TSHZ3: variants seen among roughly 807,000 people sequenced by gnomAD.
TSHZ3 encodes the protein teashirt homolog 3.
A neutral mutation model predicts 64.5 loss-of-function variants in TSHZ3; 10 were observed. The ratio of observed to expected loss-of-function variants is 0.16; its 90% CI spans 0.10 to 0.26. The LOEUF is 0.26. TSHZ3 is among the 10% of genes least tolerant of loss of function. The probability of loss-of-function intolerance (pLI) is 1.00; values close to 1 mark genes in which losing one functional copy is unlikely to be tolerated. For synonymous variants in TSHZ3, 608 were observed against 593.1 expected, an observed-to-expected ratio of 1.03 and a Z score of -0.36; for missense variants, 1,242 against 1,421.7, an observed-to-expected ratio of 0.87 and a Z score of 2.03.
chr19:31,216,487 C>G (rs1975332473), intron 4 of TSHZ3, among the ~76,000 whole-genome samples: 1 of 150,712 alleles, frequency 6.6e-6, no homozygotes, highest in African/African-American at 2.4e-5. Context: ...GAGTCTCCGT[C>G]ACCCAGGCTG....
intron 5 of TSHZ3, among the ~76,000 whole-genome samples, chr19:31,172,704 G>A (rs1188315443): frequency 6.6e-6 from 1 of 152,224 alleles, no homozygotes; most frequent in Non-Finnish European, 1.5e-5. Flanking sequence ...ACAAAGTAAA[G>A]TGGTCAGAAG....
chr19:31,279,506 T>C lies in TSHZ3; in HGVS notation c.287A>G (p.Glu96Gly). ...ADFESGSIKN[E>G]EETKEVTVPL... ...GACCGTGACCTCCTTGGTCTCCTCT[T>C]CGTTCTTGATGGAGCCGCTTTCAAA... is the stretch of plus-strand genomic sequence containing the variant. The change falls in exon 2 of 2, where the codon GAA (glutamate) becomes GGA (glycine). Residue 96 changes from glutamate to glycine, a missense_variant. Coordinates refer to ENST00000240587, the MANE Select transcript of TSHZ3 (RefSeq NM_020856.4). This position sits in a 1 kb window ranked among gnomAD's most constrained non-coding sequence, Gnocchi z 6.4. The C allele has an allele frequency of 6.2e-7, 1 of 1,613,484 alleles. No homozygotes were observed. The highest frequency in any genetic ancestry group is 8.5e-7 in the Non-Finnish European group (1 of 1,179,482).
intron 1 of TSHZ3, among the ~76,000 whole-genome samples, chr19:31,338,154 G>A (rs1917310571): frequency 6.6e-6 from 1 of 152,212 alleles, no homozygotes; most frequent in South Asian, 2.1e-4. Flanking sequence ...AAGGCCTCTT[G>A]CAGCAGAAGA....
rs750398873 is a variant in TSHZ3, at chr19:31,183,178, TTCTCTCTCTC to T, written n.809+21768_809+21777del. 3.9e-3 allele frequency among the ~76,000 whole-genome samples: 449 copies of T among 116,496 alleles called. 4 individuals carry two copies. The highest frequency in any genetic ancestry group is 0.022 in the Middle Eastern group (5 of 230). 76.4% of individuals were successfully genotyped at this position (116,496 alleles called of 152,430 possible). A position where few individuals can be genotyped will look rare whatever the true frequency, so the allele number is the denominator to read the frequency against. On this transcript the variant is annotated intron_variant and non_coding_transcript_variant, in intron 5 of 6. Transcript: ENST00000651361. ...AATCATGTGAGCCAATTCTATGAGA[TTCTCTCTCTC>T]TCTCTCTCTCTCTCTCTCTCTCTCT...
At chr19:31,177,671 A>G (rs758049274) in intron 5 of TSHZ3, among the ~76,000 whole-genome samples, 2 of 152,248 alleles carry the variant, frequency 1.3e-5, no homozygotes, top group East Asian at 1.9e-4. Flanking sequence ...TGTAACAGTC[A>G]TAAGTTCTGC....
chr19:31,279,345 T>TGCTGCC lies in TSHZ3; in HGVS notation c.442_447dup (p.Gly148_Ser149dup). On this transcript the variant is annotated inframe_insertion, in exon 2 of 2. Coordinates refer to ENST00000240587, the MANE Select transcript of TSHZ3 (RefSeq NM_020856.4). The surrounding 1 kb of genome is among the most constrained non-coding windows in gnomAD (Gnocchi z 6.4). ...CTGCTGCTGCTACTGCTGCTGCTGC[T>TGCTGCC]GCTGCCGTTGTTCTTCTCCGAGGAG... 6.2e-7 allele frequency: 1 copy of TGCTGCC among 1,614,036 alleles called. No homozygotes were observed. The highest frequency in any genetic ancestry group is 1.1e-5 in the South Asian group (1 of 91,068).
chr19:31,251,064 G>T (rs576712925), intron 1 of TSHZ3, among the ~76,000 whole-genome samples: 2 of 152,148 alleles, frequency 1.3e-5, no homozygotes, highest in Non-Finnish European at 2.9e-5. Context: ...CTGGAGGGCT[G>T]GGAGGAAATG....
At chr19:31,215,727 C>G (rs1021898076) in intron 4 of TSHZ3, among the ~76,000 whole-genome samples, 1 of 151,886 alleles carries the variant, frequency 6.6e-6, no homozygotes, top group African/African-American at 2.4e-5. Context: ...AAAAATTAGC[C>G]GGGCATAGTG....
At chr19:31,298,650 A>G (rs376235480) in intron 1 of TSHZ3, among the ~76,000 whole-genome samples, 2 of 152,074 alleles carry the variant, frequency 1.3e-5, no homozygotes, top group East Asian at 1.9e-4. Context: ...TCTGCACATG[A>G]TCGCTGCCCA....
chr19:31,227,907 C>A (rs1435585244), intron 4 of TSHZ3, among the ~76,000 whole-genome samples: 1 of 152,152 alleles, frequency 6.6e-6, no homozygotes, highest in Non-Finnish European at 1.5e-5. Context: ...ATCATGAAAT[C>A]TTATTGGTTT....
chr19:31,204,616 T>G (rs1472631675), intron 5 of TSHZ3: 1 of 152,266 alleles, frequency 6.6e-6, no homozygotes, highest in African/African-American at 2.4e-5. Flanking sequence ...TTTAGATGTG[T>G]GTAGACAGAA....
chr19:31,176,377 G>T (rs1266581681), intron 5 of TSHZ3, among the ~76,000 whole-genome samples: 2 of 152,206 alleles, frequency 1.3e-5, no homozygotes, highest in African/African-American at 4.8e-5. Context: ...GAGTCAGTGA[G>T]AAGTGATCTG....
chr19:31,219,081 G>A (rs143280985), intron 4 of TSHZ3, among the ~76,000 whole-genome samples: 1 of 152,280 alleles, frequency 6.6e-6, no homozygotes, highest in African/African-American at 2.4e-5. Context: ...ATATCTTCAG[G>A]CTCTAAAGAC....
intron 5 of TSHZ3, among the ~76,000 whole-genome samples, chr19:31,203,715 T>C (rs893207327): frequency 6.6e-6 from 1 of 152,036 alleles, no homozygotes; most frequent in African/African-American, 2.4e-5. Context: ...AGGGAAACGA[T>C]GGGTGGTAAG....
At chr19:31,214,909 GAAAAAAAAAA>G (rs950173415) in intron 4 of TSHZ3, among the ~76,000 whole-genome samples, 2 of 41,856 alleles carry the variant, frequency 4.8e-5, no homozygotes, top group African/African-American at 1.5e-4. Context: ...CTCTGTCTCA[GAAAAAAAAAA>G]AAAAAAAAAA....
intron 4 of TSHZ3, among the ~76,000 whole-genome samples, chr19:31,219,723 A>G (rs892426857): frequency 2.6e-5 from 4 of 151,262 alleles, no homozygotes; most frequent in Non-Finnish European, 5.9e-5. Flanking sequence ...GAAAGTAATT[A>G]AGACAGTTCT....
chr19:31,254,548 T>G (rs987179651), intron 1 of TSHZ3, among the ~76,000 whole-genome samples: 2 of 152,176 alleles, frequency 1.3e-5, no homozygotes, highest in African/African-American at 4.8e-5. Flanking sequence ...TGAGGCTTTG[T>G]TTTGCCACAA....
At chr19:31,167,287 T>C (rs1001352170) in intron 5 of TSHZ3, among the ~76,000 whole-genome samples, 1 of 152,260 alleles carries the variant, frequency 6.6e-6, no homozygotes, top group Non-Finnish European at 1.5e-5. Flanking sequence ...TTTGTATTTC[T>C]CTTTCAAAAT....
chr19:31,237,367 A>G (rs1459345725), intron 3 of TSHZ3, among the ~76,000 whole-genome samples: 2 of 152,046 alleles, frequency 1.3e-5, no homozygotes, highest in Non-Finnish European at 2.9e-5. Flanking sequence ...TACTATTATT[A>G]TTGCTTCTTA....
Sources: allele counts gnomAD v4.1 joint callset (sites outside exome capture counted in the v4.1 genomes callset), GRCh38; gene constraint gnomAD v4.1.1; non-coding constraint Gnocchi (gnomAD v3.1); transcripts MANE v1.5; gene names NCBI Gene and HGNC (gene_info 2026-07-23, HGNC 2026-07-21).